The following SEMA3D variants were observed in gnomAD, a reference collection of about 807,000 sequenced individuals.
SEMA3D encodes semaphorin-3D.
Under a neutral mutation model 100.1 loss-of-function variants are expected in SEMA3D, and 84 were observed. The observed-to-expected ratio is 0.84, with a 90% CI of 0.70 to 1.01. SEMA3D has a LOEUF of 1.01. Ranked by LOEUF, SEMA3D falls within the 50% of genes least tolerant of loss-of-function variation. The pLI is 0.00. For missense variants in SEMA3D, 875 were observed against 934.1 expected (o/e 0.94, Z 0.82); for synonymous variants, 312 against 320.7 (o/e 0.97, Z 0.29).
intron 1 of SEMA3D, among the ~76,000 whole-genome samples, chr7:85,183,340 G>C (rs1348271557): frequency 6.6e-6 from 1 of 152,164 alleles, no homozygotes; most frequent in Non-Finnish European, 1.5e-5. Flanking sequence ...GAAACTTCTT[G>C]AATTAATTTA....
intron 17 of SEMA3D, among the ~76,000 whole-genome samples, chr7:85,010,836 G>A (rs1169003964): frequency 6.6e-6 from 1 of 151,366 alleles, no homozygotes; most frequent in Non-Finnish European, 1.5e-5. Context: ...ATTTGGGAGT[G>A]AAATAGCCTC....
intron 3 of SEMA3D, among the ~76,000 whole-genome samples, chr7:85,119,708 C>T (rs546816527): frequency 6.6e-6 from 1 of 152,140 alleles, no homozygotes; most frequent in Non-Finnish European, 1.5e-5. Context: ...CAAACCTCCA[C>T]GACACAACTT....
chr7:85,155,491 A>G lies in SEMA3D; in HGVS notation c.-172-1752T>C, dbSNP rs373749096. Among the ~76,000 whole-genome samples the G allele has an allele frequency of 8.1e-4, 124 of 152,274 alleles. 4 individuals carry two copies. In the East Asian group the frequency reaches 0.018, roughly 23 times the overall value. On this transcript the variant is annotated intron_variant, in intron 1 of 18. Transcript: ENST00000284136. ...ATTAAACCCCTTATAACATTTAGTC[A>G]TACTGAAACTTAATGTATTTCCAAC...
At chr7:85,172,697 C>A (rs970259644) in intron 1 of SEMA3D, among the ~76,000 whole-genome samples, 14 of 152,118 alleles carry the variant, frequency 9.2e-5, no homozygotes, top group African/African-American at 3.4e-4. Context: ...TCCTCTGAAG[C>A]CCAAATTTAG....
intron 2 of SEMA3D, among the ~76,000 whole-genome samples, chr7:85,138,896 G>A (rs1283469297): frequency 6.6e-6 from 1 of 151,568 alleles, no homozygotes; most frequent in Non-Finnish European, 1.5e-5. Flanking sequence ...TTTGGAGGTT[G>A]CTGGAAGATC....
At chr7:85,123,083 T>A (rs2116408515) in intron 2 of SEMA3D, among the ~76,000 whole-genome samples, 1 of 152,220 alleles carries the variant, frequency 6.6e-6, no homozygotes. Context: ...GAAACAAAAT[T>A]GAGGTACAGA....
At chr7:84,999,998 C>A (rs1038664671) in intron 18 of SEMA3D, 133 bp from the exon 19 acceptor site, 2 of 743,370 alleles carry the variant, frequency 2.7e-6, no homozygotes, top group South Asian at 2.0e-5. Context: ...TGTCATCAAG[C>A]ATAATATTGT....
intron 12 of SEMA3D, among the ~76,000 whole-genome samples, chr7:85,023,727 G>A (rs1241279525): frequency 6.6e-6 from 1 of 151,814 alleles, no homozygotes; most frequent in African/African-American, 2.4e-5. Flanking sequence ...GTCATTCTTA[G>A]GGAGCTGAAG....
Position 85,055,687 on chromosome 7 carries a change from T to G in SEMA3D, c.861+30A>C, listed in dbSNP as rs745895055. 4 of 476,804 alleles carry G rather than the reference T, an allele frequency of 8.4e-6. No individual in the cohort carries two copies. In the Admixed American group the frequency reaches 1.6e-4, roughly 20 times the overall value. 29.5% of individuals were successfully genotyped at this position (476,804 alleles called of 1,614,324 possible). A position where few individuals can be genotyped will look rare whatever the true frequency, so the allele number is the denominator to read the frequency against. ...ATATATATATATATATATATATATG[T>G]TTTAAGTAAAATATATAAATATATC... On this transcript the variant is annotated intron_variant, in intron 9 of 18. Coordinates refer to ENST00000284136, the MANE Select transcript of SEMA3D (RefSeq NM_001384900.1).
At chr7:85,185,569 C>T (rs966114385) in intron 1 of SEMA3D, among the ~76,000 whole-genome samples, 1 of 152,178 alleles carries the variant, frequency 6.6e-6, no homozygotes, top group African/African-American at 2.4e-5. Context: ...TATTTAACTC[C>T]TGTCCCCATA....
At chr7:85,148,991 C>T (rs1790290710) in intron 2 of SEMA3D, among the ~76,000 whole-genome samples, 1 of 151,882 alleles carries the variant, frequency 6.6e-6, no homozygotes, top group African/African-American at 2.4e-5. Context: ...ATTTTTCTAA[C>T]ATTTACAATA....
chr7:85,138,160 TCAAA>T (rs1464516938), intron 2 of SEMA3D, among the ~76,000 whole-genome samples: 1 of 152,146 alleles, frequency 6.6e-6, no homozygotes, highest in Non-Finnish European at 1.5e-5. Flanking sequence ...AGATAAGAAG[TCAAA>T]CAATTATACA....
chr7:85,057,590 A>G (rs529207999), intron 8 of SEMA3D, among the ~76,000 whole-genome samples: 1 of 152,290 alleles, frequency 6.6e-6, no homozygotes, highest in Non-Finnish European at 1.5e-5. Context: ...ATGTACAGCA[A>G]TTGGCCAATA....
At chr7:85,237,860 G>A in the SEMA3D span, among the ~76,000 whole-genome samples, 2 of 152,172 alleles carry the variant, frequency 1.3e-5, no homozygotes, top group African/African-American at 2.4e-5. Context: ...TTCCAAGGGA[G>A]CTGCACCATC....
chr7:85,188,280 G>T (rs1791616807), upstream of SEMA3D, among the ~76,000 whole-genome samples: 1 of 152,164 alleles, frequency 6.6e-6, no homozygotes, highest in Non-Finnish European at 1.5e-5. Context: ...TCTGACCAAG[G>T]CTCTTTCTTG....
At chr7:85,049,007 T>C (rs1048941157) in intron 9 of SEMA3D, among the ~76,000 whole-genome samples, 1 of 151,798 alleles carries the variant, frequency 6.6e-6, no homozygotes, top group Non-Finnish European at 1.5e-5. Context: ...CTCTTTACTG[T>C]TTTCAAAAGT....
chr7:85,185,762 G>C (rs1791523579), intron 1 of SEMA3D, among the ~76,000 whole-genome samples: 1 of 152,186 alleles, frequency 6.6e-6, no homozygotes, highest in Admixed American at 6.5e-5. Flanking sequence ...CAGAGAAGGA[G>C]AAACAGTGCC....
chr7:85,211,302 T>C, the SEMA3D span, among the ~76,000 whole-genome samples: 804 of 152,224 alleles, frequency 5.3e-3, 11 homozygotes, highest in African/African-American at 0.018. Flanking sequence ...TACTTGCTAG[T>C]CTCTGTGAGG....
At chr7:85,030,990 A>G (rs1191933173) in intron 12 of SEMA3D, among the ~76,000 whole-genome samples, 11 of 152,026 alleles carry the variant, frequency 7.2e-5, no homozygotes, top group Admixed American at 7.2e-4. Context: ...CAAATATTCT[A>G]TTTGGACACC....
Sources: gnomAD v4.1 joint callset for allele counts (sites outside exome capture counted in the v4.1 genomes callset) on GRCh38, gnomAD v4.1.1 for gene constraint, MANE v1.5 for transcripts, NCBI Gene and HGNC (gene_info 2026-07-23, HGNC 2026-07-21) for gene names.